Variants in CDK8 observed in about 807,000 individuals in gnomAD.
CDK8 encodes the protein cyclin-dependent kinase 8.
A neutral mutation model predicts 71.5 loss-of-function variants in CDK8; 29 were observed. That is an observed-to-expected ratio of 0.41 (90% CI 0.30 to 0.55). CDK8 has a LOEUF of 0.55. Ranked by LOEUF, CDK8 falls within the 20% of genes least tolerant of loss-of-function variation. The pLI is 0.37. For missense variants in CDK8, 288 were observed against 572.6 expected (o/e 0.50, Z 5.07); for synonymous variants, 161 against 192.1 (o/e 0.84, Z 1.34).
chr13:26,395,238 G>A (rs1226768132), intron 7 of CDK8, among the ~76,000 whole-genome samples: 1 of 152,138 alleles, frequency 6.6e-6, no homozygotes, highest in Non-Finnish European at 1.5e-5. Flanking sequence ...ATCACCTGAG[G>A]TTGGGAGTTT....
In CDK8 at chr13:26,266,192, G is replaced by T. The variant is rs201110946; in HGVS notation, c.128+11423G>T. On this transcript the variant is annotated intron_variant, in intron 1 of 12. Transcript: ENST00000381527. ...TGAGCTTTGATATGTTGACTTTCAG[G>T]TACCTGTTAAACATCTGAGAAGAAA... is the stretch of plus-strand genomic sequence containing the variant. 9.9e-5 allele frequency among the ~76,000 whole-genome samples: 15 copies of T among 152,270 alleles called. No individual in the cohort carries two copies. In the East Asian group the frequency reaches 2.1e-3, roughly 22 times the overall value.
At chr13:26,378,538 G>A (rs1875064131) in intron 4 of CDK8, among the ~76,000 whole-genome samples, 1 of 152,124 alleles carries the variant, frequency 6.6e-6, no homozygotes, top group Admixed American at 6.6e-5. Context: ...TTTTCAGATG[G>A]CAATCAAGGA....
intron 1 of CDK8, among the ~76,000 whole-genome samples, chr13:26,303,781 A>G (rs1873920285): frequency 6.6e-6 from 1 of 152,186 alleles, no homozygotes; most frequent in Non-Finnish European, 1.5e-5. Flanking sequence ...CTCTGCAGTT[A>G]CTGAGTAATT....
intron 1 of CDK8, among the ~76,000 whole-genome samples, chr13:26,298,027 C>T (rs185836219): frequency 6.6e-6 from 1 of 152,138 alleles, no homozygotes; most frequent in Admixed American, 6.5e-5. Context: ...CTCCTCCACC[C>T]TCATGACTAA....
intron 7 of CDK8, among the ~76,000 whole-genome samples, chr13:26,395,824 A>G (rs967288517): frequency 6.6e-6 from 1 of 152,122 alleles, no homozygotes; most frequent in Non-Finnish European, 1.5e-5. Context: ...ACAAGGTGAA[A>G]GGAGGGCTGT....
intron 2 of CDK8, among the ~76,000 whole-genome samples, chr13:26,343,478 A>C (rs1185697466): frequency 1.3e-5 from 2 of 152,192 alleles, no homozygotes; most frequent in East Asian, 3.8e-4. Context: ...TTACTCTCTT[A>C]ATAAACTTGC....
intron 6 of CDK8, among the ~76,000 whole-genome samples, chr13:26,388,176 T>C (rs2138055081): frequency 6.6e-6 from 1 of 152,370 alleles, no homozygotes; most frequent in East Asian, 1.9e-4. Context: ...CTTTATGTTC[T>C]AATCTTCACA....
intron 1 of CDK8, among the ~76,000 whole-genome samples, chr13:26,320,026 G>C (rs935488640): frequency 6.6e-6 from 1 of 152,066 alleles, no homozygotes; most frequent in Non-Finnish European, 1.5e-5. Context: ...ACATTCAAAA[G>C]AATGAAGTTG....
chr13:26,403,883 C>T (rs563765729), intron 12 of CDK8, 73 bp from the exon 13 acceptor site: 1 of 1,547,348 alleles, frequency 6.5e-7, no homozygotes, highest in Non-Finnish European at 8.8e-7. Context: ...CATAATGACA[C>T]TTCAGTCACA....
chr13:26,346,955 T>C (rs1873484834), intron 2 of CDK8, among the ~76,000 whole-genome samples: 1 of 152,242 alleles, frequency 6.6e-6, no homozygotes, highest in African/African-American at 2.4e-5. Flanking sequence ...TTACAAGTTT[T>C]AAGATCTTGG....
At chr13:26,389,737 C>A (rs990555930) in intron 6 of CDK8, among the ~76,000 whole-genome samples, 1 of 152,086 alleles carries the variant, frequency 6.6e-6, no homozygotes, top group Admixed American at 6.5e-5. Flanking sequence ...GTGGCTCACA[C>A]CTGTAATCCC....
At chr13:26,317,380 T>C (rs1241316146) in intron 1 of CDK8, among the ~76,000 whole-genome samples, 1 of 152,188 alleles carries the variant, frequency 6.6e-6, no homozygotes, top group Non-Finnish European at 1.5e-5. Flanking sequence ...TGGAGACTTA[T>C]ACCGCCTCTC....
chr13:26,391,533 T>A (rs981410582), intron 6 of CDK8, among the ~76,000 whole-genome samples: 1 of 152,256 alleles, frequency 6.6e-6, no homozygotes, highest in Non-Finnish European at 1.5e-5. Flanking sequence ...TTGGGTGTGC[T>A]GTAAGTAGAA....
At chr13:26,367,827 A>C (rs1396601876) in intron 4 of CDK8, among the ~76,000 whole-genome samples, 3 of 152,206 alleles carry the variant, frequency 2.0e-5, no homozygotes, top group Non-Finnish European at 4.4e-5. Flanking sequence ...TTGGAATTCA[A>C]ATTCGAATAA....
chr13:26,391,098 T>C (rs927841306), intron 6 of CDK8, among the ~76,000 whole-genome samples: 3 of 151,762 alleles, frequency 2.0e-5, no homozygotes, highest in African/African-American at 7.3e-5. Flanking sequence ...TCAGAGTTAA[T>C]GATTAATGTA....
At chr13:26,285,699 A>G (rs1164793135) in intron 1 of CDK8, among the ~76,000 whole-genome samples, 2 of 152,220 alleles carry the variant, frequency 1.3e-5, no homozygotes, top group African/African-American at 2.4e-5. Flanking sequence ...ACAAAGTCAA[A>G]CTGTCACTGT....
intron 1 of CDK8, among the ~76,000 whole-genome samples, chr13:26,289,605 C>T (rs956225770): frequency 3.3e-5 from 5 of 152,262 alleles, no homozygotes; most frequent in South Asian, 2.1e-4. Flanking sequence ...GGCTGCAGTG[C>T]AGTGGCGGGA....
At chr13:26,256,795 C>T (rs1871543646) in intron 1 of CDK8, among the ~76,000 whole-genome samples, 1 of 152,044 alleles carries the variant, frequency 6.6e-6, no homozygotes, top group African/African-American at 2.4e-5. Context: ...TATTTGTAAT[C>T]CTTGGAGTTT....
chr13:26,401,556 T>G lies in CDK8; in HGVS notation c.1201T>G (p.Leu401Val). 6.2e-7 allele frequency: 1 copy of G among 1,614,192 alleles called. No homozygotes were observed. The highest frequency in any genetic ancestry group is 8.5e-7 in the Non-Finnish European group (1 of 1,180,024). ...QDSSHTQGPP[L>V]KKVRVVPPTT... Reference sequence around the variant, plus strand: ...CAGCAGTCACACACAGGGACCCCCGTTGAAGAAAGTGAGAGTTGTTCCTCC... The same window carrying G: ...CAGCAGTCACACACAGGGACCCCCGGTGAAGAAAGTGAGAGTTGTTCCTCC... Residue 401 changes from leucine (L) to valine (V), a missense_variant, in exon 12 of 13, where the codon TTG becomes GTG. Leu to Val is a conservative substitution (Grantham distance 32). Transcript: ENST00000381527. This position sits in a 1 kb window ranked among gnomAD's most constrained non-coding sequence, Gnocchi z 4.5.
Sources: allele counts gnomAD v4.1 joint callset (sites outside exome capture counted in the v4.1 genomes callset), GRCh38; gene constraint gnomAD v4.1.1; non-coding constraint Gnocchi (gnomAD v3.1); transcripts MANE v1.5; gene names NCBI Gene and HGNC (gene_info 2026-07-23, HGNC 2026-07-21).